ARHGAP15: variants seen among roughly 807,000 people sequenced by gnomAD.
ARHGAP15 encodes rho GTPase-activating protein 15.
Under a neutral mutation model 63.7 loss-of-function variants are expected in ARHGAP15, and 51 were observed. The ratio of observed to expected loss-of-function variants is 0.80; its 90% confidence interval spans 0.64 to 1.01. The LOEUF (loss-of-function observed/expected upper bound fraction) is 1.01, where lower values mean the gene tolerates loss of function less well. ARHGAP15 is among the 50% of genes least tolerant of loss of function. The probability of loss-of-function intolerance (pLI) is 0.00; values close to 1 mark genes in which losing one functional copy is unlikely to be tolerated. For synonymous variants in ARHGAP15, 191 were observed against 193.8 expected (o/e 0.99, Z 0.12); for missense variants, 560 against 564.6 (o/e 0.99, Z 0.08).
intron 6 of ARHGAP15, among the ~76,000 whole-genome samples, chr2:143,312,663 C>T (rs996934225): frequency 6.6e-5 from 10 of 152,076 alleles, no homozygotes; most frequent in African/African-American, 2.4e-4. Context: ...GAAATTAACA[C>T]GTTTTTGCTT....
chr2:143,385,917 G>A (rs1244035657), intron 6 of ARHGAP15, among the ~76,000 whole-genome samples: 1 of 152,072 alleles, frequency 6.6e-6, no homozygotes, highest in Admixed American at 6.6e-5. Flanking sequence ...GGCCATCTCA[G>A]ACTCTAGCAG....
chr2:143,182,098 G>T (rs1452962452), intron 2 of ARHGAP15, among the ~76,000 whole-genome samples: 1 of 151,620 alleles, frequency 6.6e-6, no homozygotes, highest in Non-Finnish European at 1.5e-5. Context: ...AGAGTATCTG[G>T]GATTACAGGT....
At chr2:143,366,552 TAAAC>T (rs1346093877) in intron 6 of ARHGAP15, among the ~76,000 whole-genome samples, 2 of 152,200 alleles carry the variant, frequency 1.3e-5, no homozygotes, top group East Asian at 3.9e-4. Flanking sequence ...GTGTTGATAA[TAAAC>T]AAAATACTAA....
At chr2:143,703,785 G>A (rs554426985) in intron 13 of ARHGAP15, 58 of 296,040 alleles carry the variant, frequency 2.0e-4, no homozygotes, top group African/African-American at 7.9e-4. Flanking sequence ...CAGAACCATC[G>A]CCTGGACCCT....
intron 3 of ARHGAP15, among the ~76,000 whole-genome samples, chr2:143,202,948 AC>A (rs762312461): frequency 9.2e-4 from 140 of 152,098 alleles, no homozygotes; most frequent in Admixed American, 5.9e-4. Context: ...CGTAAGACCA[AC>A]CTTTCTGATA....
At chr2:143,164,869 A>G (rs1197287856) in intron 2 of ARHGAP15, among the ~76,000 whole-genome samples, 1 of 152,032 alleles carries the variant, frequency 6.6e-6, no homozygotes, top group Non-Finnish European at 1.5e-5. Context: ...ACATGGGCTG[A>G]CACAGACGTG....
At chr2:143,396,445 G>A (rs578163097) in intron 6 of ARHGAP15, among the ~76,000 whole-genome samples, 1 of 152,082 alleles carries the variant, frequency 6.6e-6, no homozygotes, top group East Asian at 1.9e-4. Flanking sequence ...CCTGTTAAGG[G>A]TTTTAATAAG....
chr2:143,207,954 C>T (rs887263935), intron 3 of ARHGAP15, among the ~76,000 whole-genome samples: 3 of 152,268 alleles, frequency 2.0e-5, no homozygotes, highest in East Asian at 1.9e-4. Flanking sequence ...ATGTTCCCTA[C>T]TTTCATCTCT....
At chr2:143,583,174 G>A (rs1362147699) in intron 11 of ARHGAP15, among the ~76,000 whole-genome samples, 1 of 152,202 alleles carries the variant, frequency 6.6e-6, no homozygotes, top group Admixed American at 6.5e-5. Context: ...AGAGAAGTGA[G>A]CTGCAGATCC....
intron 12 of ARHGAP15, among the ~76,000 whole-genome samples, chr2:143,684,510 A>C (rs971606590): frequency 1.3e-5 from 2 of 150,132 alleles, no homozygotes; most frequent in Non-Finnish European, 3.0e-5. Flanking sequence ...TAATATCCTT[A>C]TTGGGGGGTC....
intron 13 of ARHGAP15, among the ~76,000 whole-genome samples, chr2:143,724,854 A>C (rs1293034935): frequency 6.6e-6 from 1 of 152,228 alleles, no homozygotes; most frequent in African/African-American, 2.4e-5. Context: ...GAAGAGCATC[A>C]TCAAATAGTA....
intron 6 of ARHGAP15, among the ~76,000 whole-genome samples, chr2:143,274,829 C>A (rs1264816390): frequency 2.0e-5 from 3 of 152,118 alleles, no homozygotes; most frequent in African/African-American, 7.2e-5. Context: ...GAAAATGTCA[C>A]AATGAAGCAG....
chr2:143,727,292 G>C (rs1685323824), intron 13 of ARHGAP15, among the ~76,000 whole-genome samples: 1 of 152,210 alleles, frequency 6.6e-6, no homozygotes, highest in South Asian at 2.1e-4. Flanking sequence ...TCACACGAAA[G>C]AGTGTTGTAT....
intron 3 of ARHGAP15, among the ~76,000 whole-genome samples, chr2:143,208,561 A>G (rs1558814629): frequency 1.3e-5 from 2 of 152,206 alleles, no homozygotes; most frequent in South Asian, 4.1e-4. Flanking sequence ...TTTATGCCAC[A>G]TGTATGTAAA....
intron 9 of ARHGAP15, among the ~76,000 whole-genome samples, chr2:143,489,367 A>G (rs1692474148): frequency 6.6e-6 from 1 of 152,218 alleles, no homozygotes; most frequent in African/African-American, 2.4e-5. Flanking sequence ...ATGAGTCAGT[A>G]TTCATTAGTA....
At position 143,346,690 on chromosome 2, in the gene ARHGAP15, G is replaced by T. The variant is rs1323324170; in HGVS notation, c.475-88911G>T. Among the ~76,000 whole-genome samples the T allele has an allele frequency of 2.0e-5, 3 of 152,050 alleles. No homozygotes were observed. In the East Asian group the frequency reaches 5.8e-4, roughly 29 times the overall value. Reference sequence around the variant, plus strand: ...TCTGAGACGATAGGCTTCTGAATTTGTACCTCTTTGCAAAAAGAGACTTCA... The same window carrying T: ...TCTGAGACGATAGGCTTCTGAATTTTTACCTCTTTGCAAAAAGAGACTTCA... On this transcript the variant is annotated intron_variant, in intron 6 of 13. Coordinates refer to ENST00000295095, the MANE Select transcript of ARHGAP15 (RefSeq NM_018460.4).
chr2:143,262,329 T>C (rs1036137691), intron 6 of ARHGAP15, among the ~76,000 whole-genome samples: 2 of 152,126 alleles, frequency 1.3e-5, no homozygotes, highest in Admixed American at 1.3e-4. Context: ...ACAAAAGAGC[T>C]AATAAAAATG....
At chr2:143,619,994 T>C (rs1453066740) in intron 11 of ARHGAP15, among the ~76,000 whole-genome samples, 1 of 152,222 alleles carries the variant, frequency 6.6e-6, no homozygotes, top group Non-Finnish European at 1.5e-5. Flanking sequence ...TGCATCGTAC[T>C]GAGATAAATC....
intron 13 of ARHGAP15, among the ~76,000 whole-genome samples, chr2:143,707,429 T>C (rs1432674094): frequency 6.6e-6 from 1 of 152,302 alleles, no homozygotes; most frequent in Non-Finnish European, 1.5e-5. Flanking sequence ...TTTTCTCTGT[T>C]TTCCAAAAAC....
Sources: allele counts gnomAD v4.1 joint callset (sites outside exome capture counted in the v4.1 genomes callset), GRCh38; gene constraint gnomAD v4.1.1; transcripts MANE v1.5; gene names NCBI Gene and HGNC (gene_info 2026-07-23, HGNC 2026-07-21).